The following TPM4 variants were observed in gnomAD, a reference collection of about 807,000 sequenced individuals.
The protein encoded by TPM4 is tropomyosin alpha-4 chain.
In TPM4, 17 loss-of-function variants were observed where a neutral mutation model predicts 35.8. The ratio of observed to expected loss-of-function variants is 0.47; its 90% CI spans 0.32 to 0.71. The LOEUF (loss-of-function observed/expected upper bound fraction) is 0.71, where lower values mean the gene tolerates loss of function less well. Among genes scored for constraint, TPM4 ranks in the 30% least tolerant of loss-of-function variants. The pLI, the probability that TPM4 is intolerant of heterozygous loss-of-function variation, is 0.03. For missense variants in TPM4, 240 were observed against 320.9 expected (o/e 0.75, Z 1.93); for synonymous variants, 120 against 122.9 (o/e 0.98, Z 0.15).
intron 7 of TPM4, among the ~76,000 whole-genome samples, chr19:16,097,557 A>T (rs2144963257): frequency 6.6e-6 from 1 of 152,290 alleles, no homozygotes; most frequent in Non-Finnish European, 1.5e-5. Context: ...TACAGGTGTG[A>T]GCCACTGCAC....
chr19:16,087,707 C>A (rs140398968), intron 3 of TPM4, among the ~76,000 whole-genome samples: 22 of 152,114 alleles, frequency 1.4e-4, no homozygotes, highest in Non-Finnish European at 2.9e-4. Flanking sequence ...ACGGTGAAAC[C>A]CCATCTCGAC....
In TPM4 at chr19:16,076,501, C is replaced by T; in HGVS notation, c.-65C>T. 2 of 1,359,150 alleles carry T rather than the reference C, an allele frequency of 1.5e-6. No individual in the cohort carries two copies. The highest frequency in any genetic ancestry group is 1.9e-6 in the Non-Finnish European group (2 of 1,063,238). The allele number at this position is 1,359,150 out of a possible 1,614,324, so 84.2% of individuals were successfully genotyped here. On this transcript the variant is annotated 5_prime_UTR_variant, in exon 1 of 8. Coordinates refer to ENST00000643579, the MANE Select transcript of TPM4 (RefSeq NM_003290.3). ...GGGGGGCCGGGGCGCGGCTGTGCAG[C>T]TCTCGCCGGAGCCGAGCCCAGCCGA...
intron 5 of TPM4, among the ~76,000 whole-genome samples, chr19:16,089,469 T>C (rs889219824): frequency 3.9e-5 from 6 of 152,186 alleles, no homozygotes; most frequent in African/African-American, 1.4e-4. Context: ...CTCAAAGGTA[T>C]AGCAATGATC....
chr19:16,087,355 T>A (rs1385129558), intron 3 of TPM4, among the ~76,000 whole-genome samples: 1 of 152,162 alleles, frequency 6.6e-6, no homozygotes, highest in East Asian at 1.9e-4. Flanking sequence ...GGCAGGCAGA[T>A]CACCTGAGGT....
chr19:16,076,711 C>T lies in TPM4; in HGVS notation c.132+14C>T. The stretch of plus-strand genomic sequence containing the variant: ...CGGCGCGAGAAAGTGAGCGCCCCGG[C>T]CTCGGGCCCCGCACCCGCAGCCTCC... On this transcript the variant is annotated intron_variant, in intron 1 of 7. Coordinates refer to ENST00000643579, the MANE Select transcript of TPM4 (RefSeq NM_003290.3). 1 of 1,325,790 alleles carries T rather than the reference C, an allele frequency of 7.5e-7. No homozygotes were observed. 82.1% of individuals were successfully genotyped at this position (1,325,790 alleles called of 1,614,324 possible). A position where few individuals can be genotyped will look rare whatever the true frequency, so the allele number is the denominator to read the frequency against.
At chr19:16,076,010 C>A, upstream of TPM4, 2 of 1,592,120 alleles carry the variant, frequency 1.3e-6, no homozygotes, top group South Asian at 2.3e-5. Flanking sequence ...GTGACCCCCC[C>A]CCCAGGCTGA....
upstream of TPM4, chr19:16,075,723 T>G (rs10407840): frequency 4.0e-3 from 1,013 of 252,226 alleles, 4 homozygotes; most frequent in African/African-American, 0.022. Flanking sequence ...AGGCTGCACC[T>G]CTGAAACTGG....
chr19:16,076,228 C>G, upstream of TPM4: 2 of 1,547,044 alleles, frequency 1.3e-6, no homozygotes, highest in Non-Finnish European at 1.7e-6. Flanking sequence ...GCCCCGGGGC[C>G]GGGAAGGCGG....
upstream of TPM4, among the ~76,000 whole-genome samples, chr19:16,073,192 AAAAAC>A (rs2090371929): frequency 6.6e-6 from 1 of 152,062 alleles, no homozygotes; most frequent in Non-Finnish European, 1.5e-5. Context: ...AAACAAAAAC[AAAAAC>A]AAAACAAAAC....
intron 2 of TPM4, 107 bp downstream of exon 2, chr19:16,082,153 A>T: frequency 7.1e-7 from 1 of 1,406,152 alleles, no homozygotes; most frequent in Non-Finnish European, 9.5e-7. Flanking sequence ...TCACAAGGAC[A>T]TGCATGTGTC....
chr19:16,089,913 A>T (rs1292781398), intron 5 of TPM4, among the ~76,000 whole-genome samples: 1 of 150,398 alleles, frequency 6.6e-6, no homozygotes, highest in Non-Finnish European at 1.5e-5. Context: ...GGCTGGAGTG[A>T]AGTGGCGTGA....
Position 16,081,935 on chromosome 19 carries a change from T to G in TPM4, c.155T>G (p.Leu52Arg). The G allele has an allele frequency of 6.2e-7, 1 of 1,600,324 alleles. No individual in the cohort carries two copies. The change falls in exon 2 of 8, where the codon CTC becomes CGC. Residue 52 changes from leucine to arginine, a missense_variant. Leu to Arg is a moderately radical substitution (Grantham distance 102, BLOSUM62 -2). Transcript: ENST00000643579. ...CAGGCTGAAGGTGATGTGGCCGCCC[T>G]CAACCGACGCATCCAGCTCGTTGAG... is the stretch of plus-strand genomic sequence containing the variant. ...REKAEGDVAA[L>R]NRRIQLVEEE...
At chr19:16,075,747 C>A, upstream of TPM4, 1 of 299,892 alleles carries the variant, frequency 3.3e-6, no homozygotes, top group South Asian at 4.4e-5. Flanking sequence ...GTGTGTATTT[C>A]TGGAAAACAT....
chr19:16,097,301 T>A (rs996377763), intron 7 of TPM4, among the ~76,000 whole-genome samples: 1 of 142,506 alleles, frequency 7.0e-6, no homozygotes, highest in African/African-American at 2.6e-5. Context: ...TGAGACGGAG[T>A]TTCGCTCTTG....
chr19:16,074,378 C>G (rs10414221), upstream of TPM4: 49,148 of 152,108 alleles, frequency 0.32, 8,554 homozygotes, highest in East Asian at 0.49. Context: ...GTCTGGTGAG[C>G]GCTCTCTAGC....
upstream of TPM4, among the ~76,000 whole-genome samples, chr19:16,072,067 G>A (rs577709179): frequency 5.9e-5 from 9 of 152,334 alleles, no homozygotes; most frequent in South Asian, 8.3e-4. Context: ...TGATCCGCCC[G>A]CCTCGGCCTC....
intron 3 of TPM4, among the ~76,000 whole-genome samples, chr19:16,086,923 C>CT (rs1303763581): frequency 1.3e-5 from 2 of 152,050 alleles, no homozygotes; most frequent in Non-Finnish European, 2.9e-5. Flanking sequence ...GTCTGCCTCG[C>CT]TCCTCAGGCT....
intron 2 of TPM4, among the ~76,000 whole-genome samples, chr19:16,085,749 G>A (rs146179974): frequency 6.6e-6 from 1 of 152,190 alleles, no homozygotes; most frequent in East Asian, 1.9e-4. Context: ...TGAAAGTGAA[G>A]GCACTTAGAA....
chr19:16,073,941 A>AAAAG (rs2090378279), upstream of TPM4, among the ~76,000 whole-genome samples: 1 of 87,698 alleles, frequency 1.1e-5, no homozygotes, highest in Non-Finnish European at 2.3e-5. Context: ...GACCATGTAA[A>AAAAG]AAAAAAAAAA....
Sources: gnomAD v4.1 joint callset for allele counts (sites outside exome capture counted in the v4.1 genomes callset) on GRCh38, gnomAD v4.1.1 for gene constraint, MANE v1.5 for transcripts, NCBI Gene and HGNC (gene_info 2026-07-23, HGNC 2026-07-21) for gene names.